Variants in ADCY2 observed in about 807,000 individuals in gnomAD.
The protein encoded by ADCY2 is adenylate cyclase type 2.
In ADCY2, 31 loss-of-function variants were observed where a neutral mutation model predicts 125.2. The observed-to-expected ratio is 0.25, with a 90% confidence interval of 0.19 to 0.33. ADCY2 has a LOEUF of 0.33. Ranked by LOEUF, ADCY2 falls within the 10% of genes least tolerant of loss-of-function variation. The probability of loss-of-function intolerance (pLI) is 1.00; values close to 1 mark genes in which losing one functional copy is unlikely to be tolerated. For missense variants in ADCY2, 904 were observed against 1,418.2 expected (o/e 0.64, Z 5.82); for synonymous variants, 512 against 548.4 (o/e 0.93, Z 0.93).
chr5:7,766,506 TCTC>T (rs1363994345), intron 16 of ADCY2, among the ~76,000 whole-genome samples, 178 bp from the exon 17 acceptor site: 1 of 152,212 alleles, frequency 6.6e-6, no homozygotes, highest in Non-Finnish European at 1.5e-5. Flanking sequence ...GTTCTGGAAT[TCTC>T]TATTGAATGT....
intron 22 of ADCY2, among the ~76,000 whole-genome samples, chr5:7,815,731 T>C (rs956583213): frequency 6.6e-6 from 1 of 152,228 alleles, no homozygotes; most frequent in Admixed American, 6.5e-5. Flanking sequence ...ACTTCTCTCC[T>C]TCAGCTCTGT....
intron 2 of ADCY2, among the ~76,000 whole-genome samples, chr5:7,462,716 G>T (rs561118793): frequency 6.6e-6 from 1 of 152,214 alleles, no homozygotes; most frequent in Non-Finnish European, 1.5e-5. Flanking sequence ...CTTTATTTTA[G>T]TTCTTTTTCA....
At chr5:7,517,866 GA>G (rs1337090423) in intron 2 of ADCY2, among the ~76,000 whole-genome samples, 2 of 152,098 alleles carry the variant, frequency 1.3e-5, no homozygotes, top group Non-Finnish European at 2.9e-5. Context: ...TAATTTTAAA[GA>G]AATGCTAAAG....
chr5:7,437,487 A>C (rs1053566991), intron 2 of ADCY2, among the ~76,000 whole-genome samples: 1 of 152,254 alleles, frequency 6.6e-6, no homozygotes, highest in Non-Finnish European at 1.5e-5. Flanking sequence ...CACGTTACGA[A>C]GACCCTGGTC....
chr5:7,422,387 A>T (rs748695848), intron 2 of ADCY2, among the ~76,000 whole-genome samples: 1 of 152,006 alleles, frequency 6.6e-6, no homozygotes, highest in Non-Finnish European at 1.5e-5. Context: ...ATCTCAGCTG[A>T]TAATTACTGA....
At chr5:7,700,424 A>C (rs1741040403) in intron 7 of ADCY2, among the ~76,000 whole-genome samples, 1 of 151,970 alleles carries the variant, frequency 6.6e-6, no homozygotes, top group Non-Finnish European at 1.5e-5. Flanking sequence ...TTGTTTGCTG[A>C]CTGCATGATT....
chr5:7,712,788 C>T, intron 10 of ADCY2, 68 bp from the exon 11 acceptor site: 1 of 1,066,578 alleles, frequency 9.4e-7, no homozygotes, highest in South Asian at 1.3e-5. Flanking sequence ...TATGTTTCAC[C>T]TAATTATCAT....
At chr5:7,402,816 G>T (rs558207371) in intron 1 of ADCY2, among the ~76,000 whole-genome samples, 2 of 152,290 alleles carry the variant, frequency 1.3e-5, no homozygotes, top group South Asian at 2.1e-4. Context: ...CATTTTAAAA[G>T]ATTGTAATTC....
chr5:7,568,612 T>G (rs2126597155), intron 3 of ADCY2, among the ~76,000 whole-genome samples: 1 of 152,220 alleles, frequency 6.6e-6, no homozygotes, highest in East Asian at 1.9e-4. Flanking sequence ...AAGGCAATGG[T>G]TTCACACCAG....
chr5:7,659,613 T>C (rs1739456792), intron 4 of ADCY2, among the ~76,000 whole-genome samples: 1 of 152,248 alleles, frequency 6.6e-6, no homozygotes, highest in Non-Finnish European at 1.5e-5. Flanking sequence ...AACAGGACAC[T>C]TGTGGGACCA....
intron 2 of ADCY2, among the ~76,000 whole-genome samples, chr5:7,513,261 T>G (rs1415674455): frequency 6.6e-6 from 1 of 152,162 alleles, no homozygotes; most frequent in Non-Finnish European, 1.5e-5. Flanking sequence ...GACATTGGGA[T>G]GGATGAGGTT....
At chr5:7,669,526 G>A (rs774725327) in intron 4 of ADCY2, among the ~76,000 whole-genome samples, 7 of 152,178 alleles carry the variant, frequency 4.6e-5, no homozygotes, top group Non-Finnish European at 2.9e-5. Context: ...TCAGATGGGT[G>A]GTTTTCAGTT....
intron 4 of ADCY2, among the ~76,000 whole-genome samples, chr5:7,649,681 C>T (rs982288720): frequency 6.6e-6 from 1 of 152,174 alleles, no homozygotes. Flanking sequence ...GCTTTACAAC[C>T]GTCTACACAC....
At chr5:7,597,667 C>T (rs1465190331) in intron 3 of ADCY2, among the ~76,000 whole-genome samples, 1 of 152,146 alleles carries the variant, frequency 6.6e-6, no homozygotes, top group African/African-American at 2.4e-5. Flanking sequence ...GTCCCAGCTA[C>T]TCGGGAGGCT....
At chr5:7,436,696 G>A (rs1740816239) in intron 2 of ADCY2, among the ~76,000 whole-genome samples, 1 of 152,240 alleles carries the variant, frequency 6.6e-6, no homozygotes, top group Admixed American at 6.5e-5. Flanking sequence ...ATTGCCTGCA[G>A]GTGGCGGATC....
At chr5:7,431,529 TA>T (rs35268826) in intron 2 of ADCY2, among the ~76,000 whole-genome samples, 115,450 of 149,546 alleles carry the variant, frequency 0.77, 44,867 homozygotes, top group Non-Finnish European at 0.81. Flanking sequence ...TGGGAACTAT[TA>T]AAAAAAAAAA....
At chr5:7,784,085 A>G (rs960807359) in intron 18 of ADCY2, among the ~76,000 whole-genome samples, 2 of 152,240 alleles carry the variant, frequency 1.3e-5, no homozygotes, top group African/African-American at 4.8e-5. Context: ...CCAGAAGTAT[A>G]AAGAAAATGT....
intron 2 of ADCY2, among the ~76,000 whole-genome samples, chr5:7,459,910 C>T (rs1385383888): frequency 1.3e-5 from 2 of 150,268 alleles, no homozygotes; most frequent in Non-Finnish European, 3.0e-5. Flanking sequence ...CCTCAGCCTC[C>T]GGAGTAGCTG....
chr5:7,511,802 G>A (rs535286146), intron 2 of ADCY2, among the ~76,000 whole-genome samples: 3 of 152,016 alleles, frequency 2.0e-5, no homozygotes, highest in Admixed American at 6.5e-5. Flanking sequence ...CGGTGTAGAG[G>A]GAGTATGAAC....
Sources: gnomAD v4.1 joint callset for allele counts (sites outside exome capture counted in the v4.1 genomes callset) on GRCh38, gnomAD v4.1.1 for gene constraint, MANE v1.5 for transcripts, NCBI Gene and HGNC (gene_info 2026-07-23, HGNC 2026-07-21) for gene names.